DPP10: variants seen among roughly 807,000 people sequenced by gnomAD.
DPP10 encodes dipeptidyl peptidase like 10, also known as inactive dipeptidyl peptidase 10.
Under a neutral mutation model 120.9 loss-of-function variants are expected in DPP10, and 33 were observed. The observed-to-expected ratio is 0.27, with a 90% confidence interval of 0.21 to 0.37. The LOEUF is 0.37. Among genes scored for constraint, DPP10 ranks in the 10% least tolerant of loss-of-function variants. DPP10 has a pLI of 1.00. For synonymous variants in DPP10, 337 were observed against 326.1 expected, an observed-to-expected ratio of 1.03 and a Z score of -0.36; for missense variants, 816 against 942.8, an observed-to-expected ratio of 0.87 and a Z score of 1.76.
At chr2:115,651,673 C>G (rs1231291380) in intron 5 of DPP10, among the ~76,000 whole-genome samples, 2 of 151,954 alleles carry the variant, frequency 1.3e-5, no homozygotes, top group Non-Finnish European at 2.9e-5. Context: ...TCTGCCCTGT[C>G]AGCTTTGATC....
At chr2:114,455,435 C>A (rs1173835191) in intron 1 of DPP10, among the ~76,000 whole-genome samples, 1 of 151,812 alleles carries the variant, frequency 6.6e-6, no homozygotes, top group African/African-American at 2.4e-5. Flanking sequence ...GTCCCAGCTA[C>A]ATGGGAGGCT....
intron 1 of DPP10, among the ~76,000 whole-genome samples, chr2:115,024,274 A>C (rs1348537315): frequency 6.6e-6 from 1 of 152,066 alleles, no homozygotes; most frequent in Non-Finnish European, 1.5e-5. Context: ...ACAGTCTCCT[A>C]TTTTCAGTTG....
chr2:115,652,414 TG>T (rs2087874440), intron 5 of DPP10, among the ~76,000 whole-genome samples: 1 of 145,940 alleles, frequency 6.9e-6, no homozygotes, highest in Non-Finnish European at 1.5e-5. Context: ...TATATATGTG[TG>T]TGTGTGTGTG....
At chr2:114,481,621 C>T (rs1390170725) in intron 1 of DPP10, among the ~76,000 whole-genome samples, 3 of 152,006 alleles carry the variant, frequency 2.0e-5, no homozygotes, top group African/African-American at 7.2e-5. Flanking sequence ...TACTATTCAA[C>T]AATGGAAAGA....
chr2:115,661,045 G>A (rs2088925042), intron 5 of DPP10, among the ~76,000 whole-genome samples: 2 of 151,834 alleles, frequency 1.3e-5, no homozygotes, highest in African/African-American at 2.4e-5. Flanking sequence ...CTGCCTCCTG[G>A]GTTCAAGTAA....
At chr2:115,281,102 T>G (rs959294340) in intron 1 of DPP10, among the ~76,000 whole-genome samples, 3 of 152,152 alleles carry the variant, frequency 2.0e-5, no homozygotes, top group African/African-American at 4.8e-5. Context: ...TCTAAACAGA[T>G]TTCTATTACA....
intron 5 of DPP10, among the ~76,000 whole-genome samples, chr2:115,540,074 G>T (rs1472764831): frequency 6.6e-6 from 1 of 151,844 alleles, no homozygotes; most frequent in Non-Finnish European, 1.5e-5. Context: ...TGTTTCTGAG[G>T]AAAGAAGAAA....
chr2:114,728,542 T>C (rs1363475331), intron 1 of DPP10, among the ~76,000 whole-genome samples: 3 of 152,158 alleles, frequency 2.0e-5, no homozygotes, highest in African/African-American at 7.2e-5. Context: ...CCCATTCTCT[T>C]GGACACATAA....
chr2:114,724,207 C>T lies in DPP10; in HGVS notation c.60+281369C>T, dbSNP rs141871369. ...CATCTTACTTCCCCTCTATGCTAAA[C>T]GATTACCTCTTGAAGCCACTTGCTC... is the stretch of plus-strand genomic sequence containing the variant. On this transcript the variant is annotated intron_variant, in intron 1 of 25. Transcript: ENST00000410059. Among the ~76,000 whole-genome samples the T allele has an allele frequency of 9.4e-3, 1,436 of 152,276 alleles. 18 individuals carry two copies. The highest frequency in any genetic ancestry group is 0.033 in the African/African-American group (1,370 of 41,548).
At chr2:115,125,648 G>A (rs2050038686) in intron 1 of DPP10, among the ~76,000 whole-genome samples, 1 of 141,774 alleles carries the variant, frequency 7.1e-6, no homozygotes, top group Non-Finnish European at 1.5e-5. Flanking sequence ...CTTGGCTTAC[G>A]GCAAGCGCCT....
chr2:115,579,652 A>G (rs2081901381), intron 5 of DPP10: 2 of 152,210 alleles, frequency 1.3e-5, no homozygotes, highest in African/African-American at 4.8e-5. Flanking sequence ...AAATTGACAG[A>G]TAATATTTAA....
chr2:114,694,886 G>A (rs965914949), intron 1 of DPP10, among the ~76,000 whole-genome samples: 1 of 151,934 alleles, frequency 6.6e-6, no homozygotes, highest in Non-Finnish European at 1.5e-5. Context: ...AATACAAAAG[G>A]ACTTGGGAGA....
chr2:114,463,739 A>G (rs1679121001), intron 1 of DPP10, among the ~76,000 whole-genome samples: 3 of 152,122 alleles, frequency 2.0e-5, no homozygotes, highest in South Asian at 2.1e-4. Context: ...ATTCATCACT[A>G]TGGTACTGTG....
intron 1 of DPP10, among the ~76,000 whole-genome samples, chr2:114,507,230 G>T (rs1234994338): frequency 2.0e-5 from 3 of 151,768 alleles, no homozygotes; most frequent in African/African-American, 7.3e-5. Flanking sequence ...TGTAGTTTTT[G>T]TAGAGACAGA....
chr2:114,590,019 A>T (rs1691325182), intron 1 of DPP10, among the ~76,000 whole-genome samples: 1 of 152,194 alleles, frequency 6.6e-6, no homozygotes, highest in African/African-American at 2.4e-5. Flanking sequence ...CTTGTGAAAG[A>T]CACATACCAT....
At chr2:115,270,262 G>C (rs1311866626) in intron 1 of DPP10, among the ~76,000 whole-genome samples, 1 of 152,078 alleles carries the variant, frequency 6.6e-6, no homozygotes, top group East Asian at 1.9e-4. Context: ...ACGTAGAGAA[G>C]GCAGCACAGC....
intron 1 of DPP10, among the ~76,000 whole-genome samples, chr2:114,467,722 A>G (rs113531021): frequency 0.063 from 9,548 of 152,240 alleles, 512 homozygotes; most frequent in African/African-American, 0.14. Context: ...GCTCCTGGCC[A>G]GGCACGGCGG....
At chr2:114,832,759 A>G (rs1687252803) in intron 1 of DPP10, among the ~76,000 whole-genome samples, 1 of 152,222 alleles carries the variant, frequency 6.6e-6, no homozygotes, top group Non-Finnish European at 1.5e-5. Flanking sequence ...ATGAAGGGAT[A>G]AACAGATAGT....
In DPP10 at chr2:115,009,881, T is replaced by G. The variant is rs192041580; in HGVS notation, c.61-299358T>G. On this transcript the variant is annotated intron_variant, in intron 1 of 25. Coordinates refer to ENST00000410059, the MANE Select transcript of DPP10 (RefSeq NM_020868.6). ...ACATTCACTACTCATTAATACAAAT[T>G]TTTTTAAAGAAAATAAAATAGATAT... Among the ~76,000 whole-genome samples, 697 of 152,310 alleles carry G rather than the reference T, an allele frequency of 4.6e-3. 9 individuals carry two copies. The highest frequency in any genetic ancestry group is 0.016 in the African/African-American group (647 of 41,568).
Sources: allele counts gnomAD v4.1 joint callset (sites outside exome capture counted in the v4.1 genomes callset), GRCh38; gene constraint gnomAD v4.1.1; transcripts MANE v1.5; gene names NCBI Gene and HGNC (gene_info 2026-07-23, HGNC 2026-07-21).